NOS2: variants seen among roughly 807,000 people sequenced by gnomAD.
NOS2 encodes nitric oxide synthase 2.
In NOS2, 96 loss-of-function variants were observed where a neutral mutation model predicts 136.0. The observed-to-expected ratio is 0.71, with a 90% confidence interval of 0.60 to 0.84. NOS2 has a LOEUF of 0.84. Ranked by LOEUF, NOS2 falls within the 40% of genes least tolerant of loss-of-function variation. The probability of loss-of-function intolerance (pLI) is 0.00; values close to 1 mark genes in which losing one functional copy is unlikely to be tolerated. For missense variants in NOS2, 1,237 were observed against 1,496.9 expected, an observed-to-expected ratio of 0.83 and a Z score of 2.87; for synonymous variants, 539 against 587.5, an observed-to-expected ratio of 0.92 and a Z score of 1.20.
At chr17:27,776,608 G>A (rs1567638172) in intron 11 of NOS2, among the ~76,000 whole-genome samples, 1 of 149,354 alleles carries the variant, frequency 6.7e-6, no homozygotes, top group Non-Finnish European at 1.5e-5. Flanking sequence ...AGGAGGCGGA[G>A]GTTGCAGTGA....
At chr17:27,761,838 C>A (rs1378075123) in intron 22 of NOS2, among the ~76,000 whole-genome samples, 1 of 152,174 alleles carries the variant, frequency 6.6e-6, no homozygotes, top group Non-Finnish European at 1.5e-5. Flanking sequence ...AGGAAGGCCT[C>A]CAACCAACTG....
intron 12 of NOS2, among the ~76,000 whole-genome samples, 173 bp downstream of exon 12, chr17:27,774,084 C>T (rs561504340): frequency 7.2e-5 from 11 of 152,288 alleles, no homozygotes; most frequent in Non-Finnish European, 1.0e-4. Context: ...TGCCACTCTC[C>T]GTGGAAATGC....
At position 27,781,078 on chromosome 17, in the gene NOS2, A is replaced by T. The variant is rs201163153; in HGVS notation, c.822T>A (p.Asp274Glu). 1 of 1,613,850 alleles carries T rather than the reference A, an allele frequency of 6.2e-7. No individual in the cohort carries two copies. Among genetic ancestry groups the T allele is most frequent in the Non-Finnish European group, 8.5e-7 (1 of 1,180,020 alleles). ...LIRYAGYQMP[D>E]GSIRGDPANV... ...TGGCAGGGTCCCCTCTGATGCTGCC[A>T]TCTGGCATCTGGTAGCCAGCATAGC... Residue 274 changes from aspartate (D) to glutamate (E), a missense_variant, in exon 8 of 27, where the codon GAT becomes GAA. Asp to Glu is a conservative substitution (Grantham distance 45). Around this residue, in one of 3 missense-constraint regions of NOS2, gnomAD observed 440 missense variants for 545.4 expected, o/e 0.81. Coordinates refer to ENST00000313735, the MANE Select transcript of NOS2 (RefSeq NM_000625.4).
At chr17:27,771,075 T>TG (rs1908480878) in intron 14 of NOS2, 58 bp from the exon 15 acceptor site, 4 of 1,262,970 alleles carry the variant, frequency 3.2e-6, no homozygotes, top group Admixed American at 1.8e-5. Context: ...CTCCCTACCC[T>TG]GCGCAGACAC....
At chr17:27,785,893 G>A (rs750734402) in intron 5 of NOS2, among the ~76,000 whole-genome samples, 8 of 150,028 alleles carry the variant, frequency 5.3e-5, no homozygotes, top group Admixed American at 3.3e-4. Context: ...AGGAGATCGA[G>A]GCTGCAGTGA....
chr17:27,782,739 A>G (rs769674509), intron 6 of NOS2, among the ~76,000 whole-genome samples: 1 of 152,220 alleles, frequency 6.6e-6, no homozygotes, highest in Non-Finnish European at 1.5e-5. Flanking sequence ...GGGCAGCTAG[A>G]AACCCTGGTG....
intron 2 of NOS2, among the ~76,000 whole-genome samples, chr17:27,796,279 G>A (rs1344869652): frequency 9.9e-5 from 15 of 151,994 alleles, no homozygotes; most frequent in Admixed American, 7.2e-4. Flanking sequence ...GTGAAACACC[G>A]TCTCTACTAA....
At chr17:27,791,793 A>G (rs1181642967) in intron 2 of NOS2, among the ~76,000 whole-genome samples, 39 of 148,598 alleles carry the variant, frequency 2.6e-4, no homozygotes, top group Admixed American at 2.4e-3. Flanking sequence ...AAAACAAAAC[A>G]AAACAAAACA....
At chr17:27,800,241 G>C (rs1909487798) in intron 1 of NOS2, 98 bp downstream of exon 1, 1 of 152,172 alleles carries the variant, frequency 6.6e-6, no homozygotes, top group Non-Finnish European at 1.5e-5. Context: ...CCTTCTCTCT[G>C]TAGGCAGAAA....
chr17:27,757,891 C>T (rs1188943127), intron 26 of NOS2, among the ~76,000 whole-genome samples: 1 of 152,200 alleles, frequency 6.6e-6, no homozygotes, highest in Non-Finnish European at 1.5e-5. Flanking sequence ...ACCCCCGGGG[C>T]CTTTGTACCT....
Position 27,765,715 on chromosome 17 carries a change from G to C in NOS2, c.2248C>G (p.Arg750Gly). ...RQNLQSPTSS[R>G]ATILVELSCE... ...GAGAGTTCCACCAGGATGGTGGCAC[G>C]GCTGGGGAAGGAAAATGAAGCCTCA... Residue 750 changes from arginine to glycine, a missense_variant and splice_region_variant, in exon 20 of 27, where the codon CGT becomes GGT. Physicochemically the swap from Arg to Gly is moderately radical, Grantham distance 125. This residue lies in a region of NOS2 where 782 missense variants were observed against 909.9 expected (regional missense o/e 0.86). Coordinates refer to ENST00000313735, the MANE Select transcript of NOS2 (RefSeq NM_000625.4). 1 of 1,596,886 alleles carries C rather than the reference G, an allele frequency of 6.3e-7. No homozygotes were observed. Among genetic ancestry groups the C allele is most frequent in the Non-Finnish European group, 8.5e-7 (1 of 1,171,768 alleles).
chr17:27,785,701 T>C (rs1909000681), intron 5 of NOS2, among the ~76,000 whole-genome samples: 2 of 152,070 alleles, frequency 1.3e-5, no homozygotes, highest in South Asian at 4.2e-4. Flanking sequence ...CACACACCTG[T>C]AATCCCAGCA....
intron 2 of NOS2, chr17:27,793,805 G>C (rs1909269928): frequency 2.7e-6 from 1 of 374,458 alleles, no homozygotes; most frequent in Non-Finnish European, 4.7e-6. Flanking sequence ...GCCGAGCAGC[G>C]GCGGGGGCTC....
intron 5 of NOS2, among the ~76,000 whole-genome samples, chr17:27,785,248 G>T (rs1908985599): frequency 6.6e-6 from 1 of 152,138 alleles, no homozygotes; most frequent in African/African-American, 2.4e-5. Flanking sequence ...TAGTGTCATG[G>T]TGCACACGTG....
intron 6 of NOS2, 131 bp downstream of exon 6, chr17:27,782,813 G>A (rs1019112871): frequency 3.5e-6 from 3 of 863,218 alleles, no homozygotes; most frequent in Admixed American, 2.8e-5. Context: ...ATTTGGGAAT[G>A]TAAGAGAGGA....
At chr17:27,786,513 T>A (rs1412481338) in intron 5 of NOS2, among the ~76,000 whole-genome samples, 1 of 152,208 alleles carries the variant, frequency 6.6e-6, no homozygotes, top group Non-Finnish European at 1.5e-5. Flanking sequence ...TCTTCATGCA[T>A]TTTTGTTTTA....
chr17:27,798,159 T>C (rs1909412867), intron 2 of NOS2, among the ~76,000 whole-genome samples: 1 of 152,134 alleles, frequency 6.6e-6, no homozygotes, highest in Non-Finnish European at 1.5e-5. Context: ...CTTGGGTTCC[T>C]CATACCACAG....
chr17:27,765,464 G>A, intron 20 of NOS2, 71 bp downstream of exon 20: 2 of 1,418,828 alleles, frequency 1.4e-6, no homozygotes, highest in Admixed American at 2.2e-5. Flanking sequence ...GCAGGCCCAG[G>A]CTCAGCCCCT....
Position 27,759,146 on chromosome 17 carries a change from C to T in NOS2, c.3160-71G>A, listed in dbSNP as rs1215607391. ...CAAGGCTTGCAGGCAGGCCTGCTGG[C>T]CTCAAGGAGGCGGGGAGAGGGGCAC... On this transcript the variant is annotated intron_variant, in intron 25 of 26. Coordinates refer to ENST00000313735, the MANE Select transcript of NOS2 (RefSeq NM_000625.4). The T allele has an allele frequency of 6.7e-6, 8 of 1,195,200 alleles. No homozygotes were observed. In the African/African-American group the frequency reaches 1.3e-4, roughly 19 times the overall value. The allele number at this position is 1,195,200 out of a possible 1,614,324, so 74.0% of individuals were successfully genotyped here.
Sources: gnomAD v4.1 joint callset for allele counts (sites outside exome capture counted in the v4.1 genomes callset) on GRCh38, gnomAD v4.1.1 for gene constraint, gnomAD v4.1.1 regional missense constraint, MANE v1.5 for transcripts, NCBI Gene and HGNC (gene_info 2026-07-23, HGNC 2026-07-21) for gene names.